Variants in SLC44A1 observed in about 807,000 individuals in gnomAD.
SLC44A1 encodes the protein choline transporter-like protein 1.
In SLC44A1, 26 loss-of-function variants were observed where a neutral mutation model predicts 79.3. The ratio of observed to expected loss-of-function variants is 0.33; its 90% confidence interval spans 0.24 to 0.46. The LOEUF is 0.46. SLC44A1 is among the 20% of genes least tolerant of loss of function. SLC44A1 has a pLI of 1.00. For missense variants in SLC44A1, 688 were observed against 798.1 expected (o/e 0.86, Z 1.66); for synonymous variants, 263 against 286.2 (o/e 0.92, Z 0.82).
chr9:105,433,889 T>TTGGGGAAAGTCTCTACCATGAAAGACAGA (rs1829430973), intron 15 of SLC44A1, among the ~76,000 whole-genome samples: 3 of 152,160 alleles, frequency 2.0e-5, no homozygotes, highest in Non-Finnish European at 4.4e-5. Context: ...AAATAAGAAT[T>TTGGGGAAAGTCTCTACCATGAAAGACAGA]ACCAGACCCT....
At chr9:105,408,189 G>A (rs1189418002) in intron 15 of SLC44A1, among the ~76,000 whole-genome samples, 1 of 152,050 alleles carries the variant, frequency 6.6e-6, no homozygotes, top group South Asian at 2.1e-4. Flanking sequence ...AAAACTGAAA[G>A]AAATCAAGAC....
chr9:105,267,274 T>C (rs1053969711), intron 1 of SLC44A1, among the ~76,000 whole-genome samples: 1 of 152,218 alleles, frequency 6.6e-6, no homozygotes, highest in African/African-American at 2.4e-5. Context: ...ATATTAAACT[T>C]ATTCTCTCTC....
rs569645002 is a variant in SLC44A1, at chr9:105,390,508, C to T, written c.*1452C>T. 10 of 983,578 alleles carry T rather than the reference C, an allele frequency of 1.0e-5. No homozygotes were observed. In the African/African-American group the frequency reaches 1.8e-4, roughly 17 times the overall value. The allele number at this position is 983,578 out of a possible 1,614,324, so 60.9% of individuals were successfully genotyped here. On this transcript the variant is annotated 3_prime_UTR_variant, in exon 16 of 16. Coordinates refer to ENST00000374720, the MANE Select transcript of SLC44A1 (RefSeq NM_080546.5). ...AATCTTTTGAAAGAAAGCATTGCCT[C>T]CTACCAGAACTAGACAGTGAATTAG... is the stretch of plus-strand genomic sequence containing the variant.
At chr9:105,283,422 GC>G (rs1198407491) in intron 1 of SLC44A1, among the ~76,000 whole-genome samples, 1 of 152,226 alleles carries the variant, frequency 6.6e-6, no homozygotes, top group African/African-American at 2.4e-5. Flanking sequence ...GAGGCGCTCT[GC>G]TAAGTGTCAT....
At chr9:105,251,811 T>C (rs1440607748) in intron 1 of SLC44A1, among the ~76,000 whole-genome samples, 2 of 152,242 alleles carry the variant, frequency 1.3e-5, no homozygotes, top group Non-Finnish European at 2.9e-5. Flanking sequence ...AAGCCTTTTC[T>C]GATCCCTTCA....
chr9:105,419,914 CAAAAAAAAAAAA>C (rs59244219), intron 15 of SLC44A1, among the ~76,000 whole-genome samples: 20 of 53,430 alleles, frequency 3.7e-4, no homozygotes, highest in African/African-American at 1.1e-3. Context: ...AACTCTGTCT[CAAAAAAAAAAAA>C]AAAAAAAAAA....
intron 12 of SLC44A1, among the ~76,000 whole-genome samples, chr9:105,368,983 A>G (rs1442757282): frequency 2.0e-5 from 3 of 152,218 alleles, no homozygotes; most frequent in Non-Finnish European, 4.4e-5. Flanking sequence ...GGTTGTAGTG[A>G]GCCGAGATTG....
chr9:105,412,245 A>T (rs1299389117), intron 15 of SLC44A1, among the ~76,000 whole-genome samples: 1 of 152,216 alleles, frequency 6.6e-6, no homozygotes, highest in Non-Finnish European at 1.5e-5. Flanking sequence ...TTATTCATCA[A>T]ATAAATAAAT....
chr9:105,335,010 G>A (rs1826867811), intron 3 of SLC44A1, among the ~76,000 whole-genome samples: 2 of 152,096 alleles, frequency 1.3e-5, no homozygotes, highest in Admixed American at 1.3e-4. Flanking sequence ...GATGACTGTA[G>A]TTGAAATGTT....
chr9:105,426,853 G>A (rs1211536819), intron 15 of SLC44A1, among the ~76,000 whole-genome samples: 1 of 151,588 alleles, frequency 6.6e-6, no homozygotes, highest in Non-Finnish European at 1.5e-5. Context: ...AAATATGCAA[G>A]CATGACAAAA....
chr9:105,351,630 AAG>A lies in SLC44A1; in HGVS notation c.500+3183_500+3184del, dbSNP rs372812083. ...AGAAAGAAAGAAAGAAAGAGAGAGA[AAG>A]AGAAAGAAAGAAAGAAAGAAAGAAA... On this transcript the variant is annotated intron_variant, in intron 5 of 15. Transcript: ENST00000374720. 7.8e-3 allele frequency among the ~76,000 whole-genome samples: 297 copies of A among 37,892 alleles called. 3 individuals are homozygous for A. The highest frequency in any genetic ancestry group is 0.028 in the Middle Eastern group (2 of 72). 24.9% of individuals were successfully genotyped at this position (37,892 alleles called of 152,430 possible).
intron 13 of SLC44A1, among the ~76,000 whole-genome samples, chr9:105,377,419 G>A (rs1828323382): frequency 6.6e-6 from 1 of 152,040 alleles, no homozygotes. Flanking sequence ...GTAAGATGAT[G>A]TTCTCTATAT....
chr9:105,435,802 T>A (rs1322041023), intron 15 of SLC44A1, among the ~76,000 whole-genome samples: 1 of 152,198 alleles, frequency 6.6e-6, no homozygotes. Context: ...TATATCATAG[T>A]AATGTAAGAT....
At chr9:105,327,010 A>T (rs1826599415) in intron 3 of SLC44A1, among the ~76,000 whole-genome samples, 1 of 152,202 alleles carries the variant, frequency 6.6e-6, no homozygotes, top group Non-Finnish European at 1.5e-5. Context: ...AGAATGTCCT[A>T]ACCGTTTAGT....
At chr9:105,377,514 G>C (rs1828328269) in intron 13 of SLC44A1, among the ~76,000 whole-genome samples, 2 of 151,964 alleles carry the variant, frequency 1.3e-5, no homozygotes, top group African/African-American at 4.8e-5. Context: ...ACTTTGGGAG[G>C]CCAAGGCGGG....
intron 4 of SLC44A1, among the ~76,000 whole-genome samples, chr9:105,339,576 T>G (rs1382874633): frequency 6.6e-6 from 1 of 152,184 alleles, no homozygotes; most frequent in African/African-American, 2.4e-5. Context: ...ACACCTGTAG[T>G]CCCAGAACTT....
chr9:105,316,109 T>C (rs1588770488), intron 3 of SLC44A1, among the ~76,000 whole-genome samples: 1 of 152,214 alleles, frequency 6.6e-6, no homozygotes, highest in Non-Finnish European at 1.5e-5. Flanking sequence ...CTTGAGATTA[T>C]AGTCTTGAGC....
chr9:105,288,873 T>A (rs543777256), intron 1 of SLC44A1, among the ~76,000 whole-genome samples: 211 of 152,336 alleles, frequency 1.4e-3, no homozygotes, highest in African/African-American at 5.0e-3. Context: ...CTTACCCCAA[T>A]GGGTGTATGA....
chr9:105,282,321 A>T (rs1373730745), intron 1 of SLC44A1, among the ~76,000 whole-genome samples: 1 of 150,388 alleles, frequency 6.6e-6, no homozygotes, highest in Non-Finnish European at 1.5e-5. Context: ...CCCCTCACTT[A>T]TTTGAGTGTG....
Sources: gnomAD v4.1 joint callset for allele counts (sites outside exome capture counted in the v4.1 genomes callset) on GRCh38, gnomAD v4.1.1 for gene constraint, MANE v1.5 for transcripts, NCBI Gene and HGNC (gene_info 2026-07-23, HGNC 2026-07-21) for gene names.